Variants in GAP43 observed in about 807,000 individuals in gnomAD.
GAP43 encodes the protein growth associated protein 43.
In GAP43, 6 loss-of-function variants were observed where a neutral mutation model predicts 18.6. The observed-to-expected ratio is 0.32, with a 90% CI of 0.18 to 0.64. GAP43 has a LOEUF of 0.64. Ranked by LOEUF, GAP43 falls within the 30% of genes least tolerant of loss-of-function variation. The probability of loss-of-function intolerance (pLI) is 0.78; values close to 1 mark genes in which losing one functional copy is unlikely to be tolerated. For missense variants in GAP43, 292 were observed against 295.5 expected, an observed-to-expected ratio of 0.99 and a Z score of 0.09; for synonymous variants, 115 against 111.4, an observed-to-expected ratio of 1.03 and a Z score of -0.20.
At chr3:115,716,722 AT>A in intron 2 of GAP43, among the ~76,000 whole-genome samples, 1 of 24,358 alleles carries the variant, frequency 4.1e-5, no homozygotes, top group East Asian at 1.1e-3. Context: ...AGACAAATAT[AT>A]ATATATATAT....
chr3:115,716,254 C>T (rs759277373), intron 2 of GAP43, among the ~76,000 whole-genome samples: 2 of 152,118 alleles, frequency 1.3e-5, no homozygotes, highest in Non-Finnish European at 2.9e-5. Context: ...GGAGAATAAG[C>T]TAGCAATATC....
chr3:115,670,874 G>A (rs910814105), intron 1 of GAP43, among the ~76,000 whole-genome samples: 7 of 152,076 alleles, frequency 4.6e-5, no homozygotes, highest in Non-Finnish European at 1.0e-4. Flanking sequence ...AAATAACTTT[G>A]CTTGATCAAA....
At chr3:115,659,699 C>T (rs1338763393) in intron 1 of GAP43, among the ~76,000 whole-genome samples, 10 of 152,072 alleles carry the variant, frequency 6.6e-5, no homozygotes, top group African/African-American at 1.9e-4. Flanking sequence ...TCCCTAAAAG[C>T]TGATGACTGA....
chr3:115,625,102 C>T (rs892532731), intron 1 of GAP43, among the ~76,000 whole-genome samples: 6 of 151,918 alleles, frequency 3.9e-5, no homozygotes, highest in African/African-American at 1.5e-4. Context: ...CACATTTAGC[C>T]AGCGCCCTGG....
intron 1 of GAP43, among the ~76,000 whole-genome samples, chr3:115,669,144 T>A (rs555503790): frequency 2.0e-5 from 3 of 151,770 alleles, no homozygotes; most frequent in Non-Finnish European, 4.4e-5. Context: ...TAAATATAAA[T>A]CAGTTGTCTT....
intron 2 of GAP43, among the ~76,000 whole-genome samples, chr3:115,694,283 T>G (rs1250967384): frequency 6.6e-5 from 10 of 152,244 alleles, no homozygotes; most frequent in Non-Finnish European, 1.5e-5. Flanking sequence ...AAGCCCTGTA[T>G]GTCTATTGAG....
At chr3:115,698,203 T>TAAA (rs1459303729) in intron 2 of GAP43, among the ~76,000 whole-genome samples, 3 of 6,068 alleles carry the variant, frequency 4.9e-4, no homozygotes, top group East Asian at 8.3e-3. Flanking sequence ...ATATATTATA[T>TAAA]ATTATATAAA....
intron 1 of GAP43, among the ~76,000 whole-genome samples, chr3:115,648,594 A>T (rs1478488845): frequency 6.6e-6 from 1 of 152,142 alleles, no homozygotes; most frequent in Admixed American, 6.5e-5. Flanking sequence ...CATGAGGAAA[A>T]CATCCAGAAA....
chr3:115,632,945 A>G (rs1708277732), intron 1 of GAP43, among the ~76,000 whole-genome samples: 1 of 151,996 alleles, frequency 6.6e-6, no homozygotes, highest in African/African-American at 2.4e-5. Context: ...CACTACTTCT[A>G]TTATATATGC....
intron 2 of GAP43, among the ~76,000 whole-genome samples, chr3:115,695,041 T>C (rs890943554): frequency 7.9e-5 from 12 of 152,226 alleles, no homozygotes; most frequent in African/African-American, 2.9e-4. Context: ...TTTTATAGCA[T>C]GGAAATATCA....
At chr3:115,704,959 T>C (rs966172293) in intron 2 of GAP43, among the ~76,000 whole-genome samples, 1 of 152,328 alleles carries the variant, frequency 6.6e-6, no homozygotes, top group South Asian at 2.1e-4. Context: ...AGATTTTGTA[T>C]TTTTGTCCTG....
At chr3:115,696,811 TTTTTGTTTGTTGGTTAG>T (rs1394509487) in intron 2 of GAP43, among the ~76,000 whole-genome samples, 1 of 151,880 alleles carries the variant, frequency 6.6e-6, no homozygotes, top group East Asian at 1.9e-4. Flanking sequence ...TTTTCAGTAA[TTTTTGTTTGTTGGTTAG>T]TTTTGTTTGT....
chr3:115,650,599 T>C (rs563772518), intron 1 of GAP43, among the ~76,000 whole-genome samples: 1 of 152,246 alleles, frequency 6.6e-6, no homozygotes, highest in Non-Finnish European at 1.5e-5. Context: ...TAGATCTTTA[T>C]GGTTCTTATG....
intron 2 of GAP43, among the ~76,000 whole-genome samples, chr3:115,698,298 T>A (rs867657280): frequency 4.8e-5 from 3 of 62,466 alleles, no homozygotes; most frequent in South Asian, 8.9e-4. Context: ...ATATATATAT[T>A]ATATATAAAA....
At chr3:115,663,722 G>A in intron 1 of GAP43, 2 of 1,533,168 alleles carry the variant, frequency 1.3e-6, no homozygotes, top group Non-Finnish European at 1.8e-6. Flanking sequence ...TGGACTGACA[G>A]CTCTACAGCC....
At chr3:115,680,123 A>T (rs1310774251) in intron 2 of GAP43, among the ~76,000 whole-genome samples, 3 of 151,188 alleles carry the variant, frequency 2.0e-5, no homozygotes, top group Admixed American at 6.6e-5. Context: ...CTTTATATTA[A>T]CTTTCTTCTG....
intron 2 of GAP43, among the ~76,000 whole-genome samples, chr3:115,700,745 C>T (rs770300009): frequency 6.6e-6 from 1 of 152,132 alleles, no homozygotes; most frequent in Non-Finnish European, 1.5e-5. Context: ...CACTAATTCT[C>T]CCTCTGAAAT....
chr3:115,628,337 C>A lies in GAP43; in HGVS notation c.30+4618C>A, dbSNP rs947436327. 2.0e-5 allele frequency among the ~76,000 whole-genome samples: 3 copies of A among 151,958 alleles called. No homozygotes were observed. The East Asian group carries it at 5.8e-4, about 29-fold the overall frequency. ...CCTTTCCTTATAGTTTATGAATATG[C>A]TTTTGCCTCATCTATCTTAAAAGAT... On this transcript the variant is annotated intron_variant, in intron 1 of 2. Coordinates refer to ENST00000305124, the MANE Select transcript of GAP43 (RefSeq NM_002045.4).
intron 1 of GAP43, among the ~76,000 whole-genome samples, chr3:115,664,086 A>G (rs980264134): frequency 6.6e-6 from 1 of 152,090 alleles, no homozygotes; most frequent in African/African-American, 2.4e-5. Context: ...TTTTGTTCTT[A>G]GAATTGAATT....
Sources: gnomAD v4.1 joint callset for allele counts (sites outside exome capture counted in the v4.1 genomes callset) on GRCh38, gnomAD v4.1.1 for gene constraint, MANE v1.5 for transcripts, NCBI Gene and HGNC (gene_info 2026-07-23, HGNC 2026-07-21) for gene names.